Variants in CAMK4 observed in about 807,000 individuals in gnomAD.
CAMK4 encodes the protein calcium/calmodulin dependent protein kinase IV, also known as calcium/calmodulin-dependent protein kinase type IV.
Under a neutral mutation model 44.9 loss-of-function variants are expected in CAMK4, and 22 were observed. The ratio of observed to expected loss-of-function variants is 0.49; its 90% confidence interval spans 0.35 to 0.70. The LOEUF is 0.70. CAMK4 is among the 30% of genes least tolerant of loss of function. The probability of loss-of-function intolerance (pLI) is 0.01; values close to 1 mark genes in which losing one functional copy is unlikely to be tolerated. For synonymous variants in CAMK4, 218 were observed against 215.4 expected, an observed-to-expected ratio of 1.01 and a Z score of -0.11; for missense variants, 498 against 586.8, an observed-to-expected ratio of 0.85 and a Z score of 1.56.
chr5:111,348,831 A>T (rs1411699070), intron 2 of CAMK4, among the ~76,000 whole-genome samples: 1 of 152,070 alleles, frequency 6.6e-6, no homozygotes, highest in Non-Finnish European at 1.5e-5. Flanking sequence ...ATAATTGAGC[A>T]TTTCTTCTGG....
Position 111,482,279 on chromosome 5 carries a change from TAGAA to T in CAMK4, c.829-501_829-498del, listed in dbSNP as rs1422537054. The T allele has an allele frequency of 6.6e-6, 1 of 152,264 alleles. No individual in the cohort carries two copies. Among genetic ancestry groups the T allele is most frequent in the Non-Finnish European group, 1.5e-5 (1 of 68,070 alleles). The allele number at this position is 152,264 out of a possible 1,614,324, so 9.4% of individuals were successfully genotyped here. A position where few individuals can be genotyped will look rare whatever the true frequency, so the allele number is the denominator to read the frequency against. On this transcript the variant is annotated intron_variant, in intron 9 of 10. Coordinates refer to ENST00000282356, the MANE Select transcript of CAMK4 (RefSeq NM_001744.6). The surrounding 1 kb of genome is among the most constrained non-coding windows in gnomAD (Gnocchi z 4.9). ...AGTCCTTCAAGTACCCTCAAGGGGT[TAGAA>T]AGAACTATAAACCCCAAGATAGAAA... is the stretch of plus-strand genomic sequence containing the variant.
At chr5:111,320,785 C>T (rs1371161959) in intron 1 of CAMK4, among the ~76,000 whole-genome samples, 4 of 152,200 alleles carry the variant, frequency 2.6e-5, no homozygotes. Flanking sequence ...GGATTACAGG[C>T]ATGAGCCACT....
intron 1 of CAMK4, among the ~76,000 whole-genome samples, chr5:111,297,583 ATC>A (rs1747540234): frequency 1.3e-5 from 2 of 152,210 alleles, no homozygotes; most frequent in Non-Finnish European, 2.9e-5. Context: ...TAAATATTTC[ATC>A]AAAATATTAC....
At chr5:111,403,956 C>G (rs1194857818) in intron 5 of CAMK4, among the ~76,000 whole-genome samples, 1 of 152,154 alleles carries the variant, frequency 6.6e-6, no homozygotes, top group African/African-American at 2.4e-5. Context: ...ATCACTCAAT[C>G]TATAAATTTG....
chr5:111,389,897 C>T (rs1214720129), intron 4 of CAMK4, among the ~76,000 whole-genome samples: 1 of 151,578 alleles, frequency 6.6e-6, no homozygotes, highest in Non-Finnish European at 1.5e-5. Context: ...CCACAAAATC[C>T]ACGTTTAGAG....
intron 1 of CAMK4, among the ~76,000 whole-genome samples, chr5:111,321,492 A>G (rs1289974715): frequency 1.4e-5 from 2 of 141,124 alleles, no homozygotes; most frequent in Non-Finnish European, 3.1e-5. Flanking sequence ...TTAATATTAA[A>G]TGCTAGATAT....
chr5:111,354,835 G>A (rs965649997), intron 2 of CAMK4, among the ~76,000 whole-genome samples: 1 of 151,976 alleles, frequency 6.6e-6, no homozygotes, highest in African/African-American at 2.4e-5. Flanking sequence ...CTTTGCCACT[G>A]TGCCCTCAAC....
At chr5:111,467,102 G>A (rs1005135879) in intron 7 of CAMK4, among the ~76,000 whole-genome samples, 15 of 151,882 alleles carry the variant, frequency 9.9e-5, no homozygotes, top group African/African-American at 1.2e-4. Flanking sequence ...TACCCTATTC[G>A]ACAAATGGTG....
chr5:111,224,527 C>G lies in CAMK4; in HGVS notation c.44C>G (p.Ser15Cys). The G allele has an allele frequency of 6.2e-7, 1 of 1,611,362 alleles. No homozygotes were observed. Among genetic ancestry groups the G allele is most frequent in the African/African-American group, 1.3e-5 (1 of 74,892 alleles). The change falls in exon 1 of 11, where the codon TCT (serine) becomes TGT (cysteine). Residue 15 changes from serine (S) to cysteine (C), a missense_variant. Ser to Cys is a moderately radical substitution (Grantham distance 112, BLOSUM62 -1). Coordinates refer to ENST00000282356, the MANE Select transcript of CAMK4 (RefSeq NM_001744.6). The surrounding 1 kb of genome is among the most constrained non-coding windows in gnomAD (Gnocchi z 5.7). ...TVPSCSASSCSSVTASAAPGT... is the reference protein window; with the variant it reads ...TVPSCSASSCCSVTASAAPGT... Reference sequence around the variant, plus strand: ...CCCTCCTGCTCCGCCTCGTCCTGCTCTTCGGTCACCGCCAGTGCGGCCCCG... The same window carrying G: ...CCCTCCTGCTCCGCCTCGTCCTGCTGTTCGGTCACCGCCAGTGCGGCCCCG...
chr5:111,487,066 A>G lies in CAMK4; in HGVS notation c.*2600A>G, dbSNP rs575647962. 2.6e-4 allele frequency: 39 copies of G among 152,306 alleles called. No individual in the cohort carries two copies. The highest frequency in any genetic ancestry group is 8.9e-4 in the African/African-American group (37 of 41,576). The allele number at this position is 152,306 out of a possible 1,614,324, so 9.4% of individuals were successfully genotyped here. A position where few individuals can be genotyped will look rare whatever the true frequency, so the allele number is the denominator to read the frequency against. On this transcript the variant is annotated 3_prime_UTR_variant, in exon 11 of 11. Transcript: ENST00000282356. ...GTTAACATTTTTGAAAGAACAGCCA[A>G]TGTTTATATTGCTTGTTAAAATGGA... is the stretch of plus-strand genomic sequence containing the variant.
At chr5:111,233,839 T>C (rs561341234) in intron 1 of CAMK4, among the ~76,000 whole-genome samples, 1 of 152,328 alleles carries the variant, frequency 6.6e-6, no homozygotes, top group Non-Finnish European at 1.5e-5. Context: ...TTTTATATAT[T>C]GAATAGAGTT....
intron 1 of CAMK4, among the ~76,000 whole-genome samples, chr5:111,258,495 C>T (rs1288547748): frequency 6.6e-6 from 1 of 152,080 alleles, no homozygotes; most frequent in Non-Finnish European, 1.5e-5. Flanking sequence ...TCTTACCTGG[C>T]AGTGGCAAGA....
intron 1 of CAMK4, among the ~76,000 whole-genome samples, chr5:111,272,872 AGTC>A (rs1297946919): frequency 6.6e-6 from 1 of 152,168 alleles, no homozygotes; most frequent in African/African-American, 2.4e-5. Flanking sequence ...ATCGATACCC[AGTC>A]GTCAGATTAT....
intron 5 of CAMK4, among the ~76,000 whole-genome samples, chr5:111,409,323 T>C (rs1752549485): frequency 6.6e-6 from 1 of 152,232 alleles, no homozygotes. Flanking sequence ...CACCAAGGCT[T>C]GGGGCTTGCA....
At chr5:111,412,639 C>T (rs754884336) in intron 5 of CAMK4, among the ~76,000 whole-genome samples, 7 of 152,166 alleles carry the variant, frequency 4.6e-5, no homozygotes, top group Non-Finnish European at 8.8e-5. Context: ...TCTGAAACAT[C>T]TGTAATATAT....
intron 1 of CAMK4, among the ~76,000 whole-genome samples, chr5:111,316,759 C>G (rs568826959): frequency 1.3e-5 from 2 of 152,134 alleles, no homozygotes; most frequent in Middle Eastern, 3.2e-3. Flanking sequence ...ATTGATAAAT[C>G]ACCAGGAGCA....
At chr5:111,280,481 A>G (rs759344725) in intron 1 of CAMK4, among the ~76,000 whole-genome samples, 1 of 152,206 alleles carries the variant, frequency 6.6e-6, no homozygotes, top group Non-Finnish European at 1.5e-5. Context: ...TTTAATATCT[A>G]TGTTGCTGCT....
chr5:111,361,583 T>A (rs182756562), intron 2 of CAMK4, among the ~76,000 whole-genome samples: 25 of 152,186 alleles, frequency 1.6e-4, no homozygotes, highest in Admixed American at 1.0e-3. Flanking sequence ...ATATTACACC[T>A]CTGTCAGACT....
chr5:111,322,067 A>G (rs552248148), intron 1 of CAMK4, among the ~76,000 whole-genome samples: 1 of 152,172 alleles, frequency 6.6e-6, no homozygotes, highest in East Asian at 1.9e-4. Flanking sequence ...TAAACAACCT[A>G]GACTATAGTT....
Sources: allele counts gnomAD v4.1 joint callset (sites outside exome capture counted in the v4.1 genomes callset), GRCh38; gene constraint gnomAD v4.1.1; non-coding constraint Gnocchi (gnomAD v3.1); transcripts MANE v1.5; gene names NCBI Gene and HGNC (gene_info 2026-07-23, HGNC 2026-07-21).